Variants in PPP1R36 observed in about 807,000 individuals in gnomAD.
PPP1R36 encodes the protein chromosome 14 open reading frame 50.
In PPP1R36, 47 loss-of-function variants were observed where a neutral mutation model predicts 53.4. The ratio of observed to expected loss-of-function variants is 0.88; its 90% confidence interval spans 0.70 to 1.12. The LOEUF (loss-of-function observed/expected upper bound fraction) is 1.12. Among genes scored for constraint, PPP1R36 ranks in the 50% most tolerant of loss-of-function variants. The probability of loss-of-function intolerance (pLI) is 0.00; values close to 1 mark genes in which losing one functional copy is unlikely to be tolerated. For missense variants in PPP1R36, 456 were observed against 513.9 expected (o/e 0.89, Z 1.09); for synonymous variants, 153 against 170.5 (o/e 0.90, Z 0.80).
intron 8 of PPP1R36, among the ~76,000 whole-genome samples, chr14:64,581,620 A>G (rs1040889105): frequency 6.8e-5 from 6 of 88,020 alleles, no homozygotes; most frequent in Admixed American, 1.9e-4. Context: ...CTTTATTTCC[A>G]TGTTTGGGGG....
intron 1 of PPP1R36, 64 bp downstream of exon 1, chr14:64,550,130 A>G (rs1256198777): frequency 4.6e-6 from 7 of 1,524,212 alleles, no homozygotes; most frequent in African/African-American, 2.8e-5. Context: ...GCTGCCCCCA[A>G]CCGGCGCCGC....
At chr14:64,578,295 A>G (rs562807498) in intron 8 of PPP1R36, among the ~76,000 whole-genome samples, 125 of 152,288 alleles carry the variant, frequency 8.2e-4, no homozygotes, top group African/African-American at 2.8e-3. Context: ...CTCATCTTTT[A>G]TGCATTCAGC....
At chr14:64,580,974 A>G (rs543064968) in intron 8 of PPP1R36, among the ~76,000 whole-genome samples, 3 of 152,282 alleles carry the variant, frequency 2.0e-5, no homozygotes, top group Admixed American at 6.5e-5. Flanking sequence ...GTGGTTTGTA[A>G]TATCAGGAGA....
chr14:64,553,857 C>T (rs1357132087), intron 3 of PPP1R36, among the ~76,000 whole-genome samples: 2 of 151,300 alleles, frequency 1.3e-5, no homozygotes, highest in East Asian at 3.9e-4. Context: ...ACTCCAAACC[C>T]CGGACTACGT....
intron 8 of PPP1R36, among the ~76,000 whole-genome samples, chr14:64,575,618 C>G (rs994616571): frequency 4.6e-5 from 7 of 150,586 alleles, no homozygotes; most frequent in African/African-American, 1.5e-4. Flanking sequence ...ATACATACTG[C>G]TAGATTGTTC....
At chr14:64,581,622 GT>G (rs1418183392) in intron 8 of PPP1R36, among the ~76,000 whole-genome samples, 2 of 135,340 alleles carry the variant, frequency 1.5e-5, no homozygotes, top group African/African-American at 5.7e-5. Flanking sequence ...TTATTTCCAT[GT>G]TTGGGGGTGG....
chr14:64,586,792 T>C (rs771047084), intron 8 of PPP1R36, 45 bp from the exon 9 acceptor site: 19 of 1,410,058 alleles, frequency 1.3e-5, no homozygotes, highest in African/African-American at 1.3e-4. Flanking sequence ...CCCTGAAAGA[T>C]TGAACTTCCC....
intron 2 of PPP1R36, chr14:64,551,585 A>G (rs1182975091): frequency 2.2e-6 from 1 of 456,260 alleles, no homozygotes; most frequent in South Asian, 1.5e-5. Context: ...TATTTTTCCA[A>G]TTCTTAAAAC....
chr14:64,559,212 T>C (rs973532830), intron 3 of PPP1R36, among the ~76,000 whole-genome samples: 1 of 152,006 alleles, frequency 6.6e-6, no homozygotes, highest in Non-Finnish European at 1.5e-5. Flanking sequence ...GCTTGGGCAT[T>C]TGGAGGTACA....
At chr14:64,587,617 C>T (rs1277590865) in intron 10 of PPP1R36, among the ~76,000 whole-genome samples, 15 of 151,824 alleles carry the variant, frequency 9.9e-5, no homozygotes, top group African/African-American at 3.1e-4. Flanking sequence ...TGCGCCACCA[C>T]GCCTGGCTAA....
At chr14:64,550,851 G>A in intron 1 of PPP1R36, 70 bp from the exon 2 acceptor site, 1 of 1,138,630 alleles carries the variant, frequency 8.8e-7, no homozygotes, top group Non-Finnish European at 1.3e-6. Context: ...TATTGTTAAA[G>A]GTTTATTGTG....
chr14:64,577,201 T>C (rs1227593532), intron 8 of PPP1R36, among the ~76,000 whole-genome samples: 2 of 152,318 alleles, frequency 1.3e-5, no homozygotes, highest in Non-Finnish European at 1.5e-5. Flanking sequence ...TCTAGAACAC[T>C]AATTCACACA....
At chr14:64,576,198 G>T (rs28407935) in intron 8 of PPP1R36, among the ~76,000 whole-genome samples, 1 of 148,846 alleles carries the variant, frequency 6.7e-6, no homozygotes, top group African/African-American at 2.5e-5. Flanking sequence ...CTCCTGTCTC[G>T]GCCTCCCGAG....
intron 7 of PPP1R36, among the ~76,000 whole-genome samples, 184 bp from the exon 8 acceptor site, chr14:64,574,271 C>T (rs2080325580): frequency 1.3e-5 from 2 of 152,166 alleles, no homozygotes; most frequent in African/African-American, 2.4e-5. Flanking sequence ...AGGAGGATTG[C>T]TTGAGCCCTG....
intron 8 of PPP1R36, among the ~76,000 whole-genome samples, chr14:64,577,874 C>T (rs1277582794): frequency 2.0e-5 from 3 of 151,404 alleles, no homozygotes; most frequent in South Asian, 4.2e-4. Context: ...TACAGGCGCC[C>T]GCCACCACGC....
At chr14:64,583,105 G>A (rs1266734718) in intron 8 of PPP1R36, among the ~76,000 whole-genome samples, 2 of 148,438 alleles carry the variant, frequency 1.3e-5, no homozygotes, top group Admixed American at 6.7e-5. Context: ...TAGAGATCGC[G>A]TTTTGCCATC....
chr14:64,550,117 C>T, intron 1 of PPP1R36, 51 bp downstream of exon 1: 3 of 1,536,250 alleles, frequency 2.0e-6, no homozygotes, highest in Non-Finnish European at 2.6e-6. Context: ...CAAGGCGGGC[C>T]CTGCTGCCCC....
rs140841336 is a variant in PPP1R36, at chr14:64,589,192, C to T, written c.1123C>T (p.His375Tyr). 4 of 1,614,040 alleles carry T rather than the reference C, an allele frequency of 2.5e-6. No homozygotes were observed. In the Admixed American group the frequency reaches 6.7e-5, roughly 27 times the overall value. The change falls in exon 12 of 12, where the codon CAT (histidine) becomes TAT (tyrosine). Residue 375 changes from histidine (H) to tyrosine (Y), a missense_variant. His to Tyr is a moderately conservative substitution (Grantham distance 83, BLOSUM62 2). Coordinates refer to ENST00000298705, the MANE Select transcript of PPP1R36 (RefSeq NM_172365.3). ...LGEPRCLFNP[H>Y]TLHPLDPEEN... is the part of the protein sequence containing the mutation. ...GGAGCCTCGATGTCTATTCAACCCA[C>T]ATACGCTTCACCCCCTTGATCCAGA... is the stretch of plus-strand genomic sequence containing the variant.
At chr14:64,581,285 T>A (rs2080387457) in intron 8 of PPP1R36, among the ~76,000 whole-genome samples, 1 of 152,192 alleles carries the variant, frequency 6.6e-6, no homozygotes, top group South Asian at 2.1e-4. Flanking sequence ...AAAGATGTGT[T>A]AGGTCTGGCT....
Sources: allele counts gnomAD v4.1 joint callset (sites outside exome capture counted in the v4.1 genomes callset), GRCh38; gene constraint gnomAD v4.1.1; transcripts MANE v1.5; gene names NCBI Gene and HGNC (gene_info 2026-07-23, HGNC 2026-07-21).